Variants in DGKG observed in about 807,000 individuals in gnomAD.
DGKG encodes the protein DAG kinase gamma.
DGKG carries 78 observed loss-of-function variants against 105.3 expected under a neutral mutation model. That is an observed-to-expected ratio of 0.74 (90% CI 0.62 to 0.89). The LOEUF (loss-of-function observed/expected upper bound fraction) is 0.89, where lower values mean the gene tolerates loss of function less well. Among genes scored for constraint, DGKG ranks in the 40% least tolerant of loss-of-function variants. The probability of loss-of-function intolerance (pLI) is 0.00; values close to 1 mark genes in which losing one functional copy is unlikely to be tolerated. For missense variants in DGKG, 958 were observed against 1,020.1 expected (o/e 0.94, Z 0.83); for synonymous variants, 346 against 367.1 (o/e 0.94, Z 0.66).
rs1272443097 is a variant in DGKG at position 186,362,105 on chromosome 3, GC to G, written c.-409del. On this transcript the variant is annotated 5_prime_UTR_variant, in exon 1 of 25. Coordinates refer to ENST00000265022, the MANE Select transcript of DGKG (RefSeq NM_001346.3). ...CGCAGCCCTCTCGGGGGAGGGGGAT[GC>G]AGCCCCAGTGGGTGCCGCGGAGACC... 2.6e-5 allele frequency: 4 copies of G among 152,412 alleles called. No homozygotes were observed. Among genetic ancestry groups the G allele is most frequent in the Admixed American group, 2.0e-4 (3 of 15,288 alleles). The allele number at this position is 152,412 out of a possible 1,614,324, so 9.4% of individuals were successfully genotyped here. A position where few individuals can be genotyped will look rare whatever the true frequency, so the allele number is the denominator to read the frequency against.
At chr3:186,279,710 A>T in intron 9 of DGKG, 141 bp downstream of exon 9, 1 of 833,670 alleles carries the variant, frequency 1.2e-6, no homozygotes, top group Non-Finnish European at 1.9e-6. Flanking sequence ...AAAATAATGT[A>T]AATAGAGAGG....
intron 1 of DGKG, among the ~76,000 whole-genome samples, chr3:186,328,798 C>T (rs764019593): frequency 1.3e-5 from 2 of 152,104 alleles, no homozygotes; most frequent in South Asian, 2.1e-4. Context: ...AGGCTGGTCT[C>T]GAACTCCTGA....
intron 24 of DGKG, chr3:186,160,118 A>C (rs1294170197): frequency 1.2e-6 from 1 of 863,228 alleles, no homozygotes; most frequent in African/African-American, 1.8e-5. Context: ...ATACCTTTAC[A>C]TACGGATTTC....
At chr3:186,302,533 CATATGTATAT>C (rs1560143786) in intron 3 of DGKG, among the ~76,000 whole-genome samples, 6 of 30,252 alleles carry the variant, frequency 2.0e-4, no homozygotes, top group African/African-American at 1.2e-3. Context: ...TATATATATA[CATATGTATAT>C]ATATATATAT....
chr3:186,148,804 C>A lies in DGKG; in HGVS notation c.*1286G>T. 2 of 985,540 alleles carry A rather than the reference C, an allele frequency of 2.0e-6. No homozygotes were observed. The highest frequency in any genetic ancestry group is 2.4e-6 in the Non-Finnish European group (2 of 829,892). The allele number at this position is 985,540 out of a possible 1,614,324, so 61.0% of individuals were successfully genotyped here. A position where few individuals can be genotyped will look rare whatever the true frequency, so the allele number is the denominator to read the frequency against. ...TTCATAATAGGGAGCTACTTTCATTCCCCTTAACCCTTGTGATCACCACAG... is the reference window on the plus strand; with the variant it reads ...TTCATAATAGGGAGCTACTTTCATTACCCTTAACCCTTGTGATCACCACAG... On this transcript the variant is annotated 3_prime_UTR_variant, in exon 25 of 25. Coordinates refer to ENST00000265022, the MANE Select transcript of DGKG (RefSeq NM_001346.3).
Position 186,320,697 on chromosome 3 carries a change from C to A in DGKG, c.-238G>T. 1 of 473,506 alleles carries A rather than the reference C, an allele frequency of 2.1e-6. No homozygotes were observed. The highest frequency in any genetic ancestry group is 3.6e-6 in the Non-Finnish European group (1 of 280,050). 29.3% of individuals were successfully genotyped at this position (473,506 alleles called of 1,614,324 possible). A position where few individuals can be genotyped will look rare whatever the true frequency, so the allele number is the denominator to read the frequency against. On this transcript the variant is annotated 5_prime_UTR_variant, in exon 2 of 25. Transcript: ENST00000265022. Reference sequence around the variant, plus strand: ...CTGTATTCAAGGTAAATTCAGAAGTCCTGGCTCTTCCTAGATAGAAGCAGA... The same window carrying A: ...CTGTATTCAAGGTAAATTCAGAAGTACTGGCTCTTCCTAGATAGAAGCAGA...
intron 24 of DGKG, 23 bp from the exon 25 acceptor site, chr3:186,150,211 G>C: frequency 6.3e-7 from 1 of 1,598,924 alleles, no homozygotes; most frequent in South Asian, 1.1e-5. Flanking sequence ...AGGCAGAAAT[G>C]AATTAGTGGC....
In DGKG at chr3:186,241,631, CAA is replaced by C. The variant is rs1242764200; in HGVS notation, c.1826+871_1826+872del. Reference sequence around the variant, plus strand: ...AAGTCAACACCTTTAGGCTCAAAAACAAAGTCCAAATCATTATCCATTCTTCT... The same window carrying C: ...AAGTCAACACCTTTAGGCTCAAAAACAGTCCAAATCATTATCCATTCTTCT... On this transcript the variant is annotated intron_variant, in intron 20 of 24. Transcript: ENST00000265022. 3.9e-5 allele frequency among the ~76,000 whole-genome samples: 6 copies of C among 152,226 alleles called. No individual in the cohort carries two copies. The South Asian group carries it at 1.2e-3, about 32-fold the overall frequency.
At position 186,251,761 on chromosome 3, in the gene DGKG, C is replaced by T; in HGVS notation, c.1759G>A (p.Val587Met). 1 of 1,614,174 alleles carries T rather than the reference C, an allele frequency of 6.2e-7. No homozygotes were observed. Among genetic ancestry groups the T allele is most frequent in the Non-Finnish European group, 8.5e-7 (1 of 1,180,004 alleles). ...AAGGTGATCTTTGACCAACTCACCA[C>T]ACCAATGGAGAAATAGTTGTTCATG... ...SIMNNYFSIG[V>M]DASIAHRFHV... Residue 587 changes from valine to methionine, a missense_variant and splice_region_variant, in exon 19 of 25, where the codon GTG (valine) becomes ATG (methionine). Around this residue, in one of 2 missense-constraint regions of DGKG, gnomAD observed 315 missense variants for 400.6 expected, o/e 0.79. Transcript: ENST00000265022.
In DGKG at chr3:186,297,490, A is replaced by G. The variant is rs766742410; in HGVS notation, c.311-7T>C. ...GCATTCTGTATATTAGTATCTGAGG[A>G]AAAAAAAGAAGATTTAAAGACCAAC... On this transcript the variant is annotated splice_region_variant and splice_polypyrimidine_tract_variant and intron_variant, in intron 4 of 24. Transcript: ENST00000265022. The G allele has an allele frequency of 6.2e-6, 10 of 1,605,922 alleles. No individual in the cohort carries two copies. The highest frequency in any genetic ancestry group is 5.0e-5 in the Admixed American group (3 of 59,978).
rs1322623753 is a variant in DGKG, at chr3:186,310,034, T to C, written c.68-3057A>G. Among the ~76,000 whole-genome samples the C allele has an allele frequency of 2.7e-4, 40 of 150,782 alleles. No individual in the cohort carries two copies. In the East Asian group the frequency reaches 6.6e-3, roughly 25 times the overall value. ...CTGTAATCCCAGCACTTTGGGAGGC[T>C]GAGGCGGGCGGATCACGAGGTCAGG... On this transcript the variant is annotated intron_variant, in intron 2 of 24. Coordinates refer to ENST00000265022, the MANE Select transcript of DGKG (RefSeq NM_001346.3).
intron 2 of DGKG, among the ~76,000 whole-genome samples, chr3:186,315,096 G>T (rs370279991): frequency 4.6e-5 from 7 of 152,076 alleles, no homozygotes; most frequent in African/African-American, 1.4e-4. Context: ...GCTAATGAAG[G>T]TCATTTAATC....
At chr3:186,353,665 T>TATATCC (rs1726758924) in intron 1 of DGKG, among the ~76,000 whole-genome samples, 1 of 136,140 alleles carries the variant, frequency 7.3e-6, no homozygotes, top group Non-Finnish European at 1.6e-5. Context: ...TGTCTATATC[T>TATATCC]ATATCTATAT....
chr3:186,166,069 T>C (rs1716527919), intron 22 of DGKG, among the ~76,000 whole-genome samples: 1 of 152,200 alleles, frequency 6.6e-6, no homozygotes, highest in Non-Finnish European at 1.5e-5. Flanking sequence ...AGTATAACAG[T>C]GTTAAGATTG....
intron 2 of DGKG, among the ~76,000 whole-genome samples, chr3:186,311,224 T>G (rs1475922384): frequency 6.6e-6 from 1 of 152,212 alleles, no homozygotes; most frequent in African/African-American, 2.4e-5. Flanking sequence ...ACAGTCAAGG[T>G]TGAGGACTGC....
At chr3:186,247,949 C>T (rs1369021705) in intron 19 of DGKG, among the ~76,000 whole-genome samples, 2 of 152,072 alleles carry the variant, frequency 1.3e-5, no homozygotes, top group Non-Finnish European at 2.9e-5. Context: ...ATTAATTAGC[C>T]AGCCAGCAGG....
intron 3 of DGKG, among the ~76,000 whole-genome samples, chr3:186,299,195 T>G (rs571709394): frequency 1.3e-5 from 2 of 152,336 alleles, no homozygotes; most frequent in East Asian, 3.9e-4. Context: ...AGCACTACTC[T>G]GAGATCTGCT....
chr3:186,339,889 A>G (rs1256098012), intron 1 of DGKG, among the ~76,000 whole-genome samples: 1 of 152,244 alleles, frequency 6.6e-6, no homozygotes, highest in Non-Finnish European at 1.5e-5. Context: ...GGTCTTGAGC[A>G]TACTATTTAT....
chr3:186,192,389 C>CA (rs1468124677), intron 21 of DGKG, among the ~76,000 whole-genome samples: 3 of 152,194 alleles, frequency 2.0e-5, no homozygotes, highest in Non-Finnish European at 4.4e-5. Flanking sequence ...TACATCATCT[C>CA]AATTTATTCA....
Sources: gnomAD v4.1 joint callset for allele counts (sites outside exome capture counted in the v4.1 genomes callset) on GRCh38, gnomAD v4.1.1 for gene constraint, gnomAD v4.1.1 regional missense constraint, MANE v1.5 for transcripts, NCBI Gene and HGNC (gene_info 2026-07-23, HGNC 2026-07-21) for gene names.